Variants in ROBO1 observed in about 807,000 individuals in gnomAD.
ROBO1 encodes the protein roundabout guidance receptor 1, also known as roundabout homolog 1.
ROBO1 carries 149 observed loss-of-function variants against 195.9 expected under a neutral mutation model. That is an observed-to-expected ratio of 0.76 (90% CI 0.67 to 0.87). The LOEUF (loss-of-function observed/expected upper bound fraction) is 0.87. Among genes scored for constraint, ROBO1 ranks in the 40% least tolerant of loss-of-function variants. ROBO1 has a pLI of 0.00. For synonymous variants in ROBO1, 816 were observed against 733.2 expected, an observed-to-expected ratio of 1.11 and a Z score of -1.82; for missense variants, 1,933 against 2,068.3, an observed-to-expected ratio of 0.93 and a Z score of 1.27.
In ROBO1 at chr3:79,137,650, T is replaced by C. The variant is rs536054047; in HGVS notation, c.89-12111A>G. Among the ~76,000 whole-genome samples, 17 of 152,202 alleles carry C rather than the reference T, an allele frequency of 1.1e-4. No homozygotes were observed. In the South Asian group the frequency reaches 2.7e-3, roughly 24 times the overall value. On this transcript the variant is annotated intron_variant, in intron 2 of 30. Transcript: ENST00000464233. ...CCATCATCATCATGATTCTCATCAG[T>C]ATTTCCGTTTTCAAGATACTGAAAC...
chr3:78,693,364 A>G, intron 8 of ROBO1: 7 of 1,540,190 alleles, frequency 4.5e-6, no homozygotes, highest in Non-Finnish European at 6.2e-6. Context: ...CAACTAAAAC[A>G]AAACAAAAAA....
At chr3:78,764,148 G>T (rs1427473637) in intron 4 of ROBO1, among the ~76,000 whole-genome samples, 1 of 152,058 alleles carries the variant, frequency 6.6e-6, no homozygotes, top group Non-Finnish European at 1.5e-5. Flanking sequence ...TTGTACTGTG[G>T]AGACATGAGA....
chr3:79,231,763 G>A (rs772071621), intron 2 of ROBO1, among the ~76,000 whole-genome samples: 40 of 152,156 alleles, frequency 2.6e-4, no homozygotes, highest in Non-Finnish European at 5.1e-4. Context: ...ACATGCCCAG[G>A]TATGTTCCTT....
chr3:78,975,991 G>C (rs532806486), intron 3 of ROBO1, among the ~76,000 whole-genome samples: 1 of 152,124 alleles, frequency 6.6e-6, no homozygotes, highest in African/African-American at 2.4e-5. Flanking sequence ...TAACGTAAAA[G>C]TCAGCCTAAT....
intron 3 of ROBO1, among the ~76,000 whole-genome samples, chr3:79,070,128 C>A (rs1021235671): frequency 6.6e-6 from 1 of 151,690 alleles, no homozygotes; most frequent in Non-Finnish European, 1.5e-5. Context: ...TATCTCTGAC[C>A]TTCTCCTGAG....
At chr3:79,350,796 G>C (rs1411690011) in intron 2 of ROBO1, among the ~76,000 whole-genome samples, 1 of 152,132 alleles carries the variant, frequency 6.6e-6, no homozygotes, top group Non-Finnish European at 1.5e-5. Flanking sequence ...TTGGAGAGTA[G>C]AAGGGCAGTA....
At chr3:79,675,825 A>G (rs1368717336) in intron 1 of ROBO1, among the ~76,000 whole-genome samples, 1 of 152,090 alleles carries the variant, frequency 6.6e-6, no homozygotes, top group Non-Finnish European at 1.5e-5. Context: ...AGAATAATGC[A>G]AATTCTGAAG....
intron 24 of ROBO1, among the ~76,000 whole-genome samples, chr3:78,632,051 C>T (rs976940469): frequency 6.6e-6 from 1 of 152,134 alleles, no homozygotes; most frequent in Non-Finnish European, 1.5e-5. Flanking sequence ...TTTATTTTAA[C>T]AAAAACTTTA....
intron 2 of ROBO1, among the ~76,000 whole-genome samples, chr3:79,151,630 T>C (rs556121200): frequency 1.7e-4 from 26 of 151,826 alleles, no homozygotes; most frequent in African/African-American, 5.8e-4. Flanking sequence ...TTAAATGACT[T>C]TCTAATATAT....
intron 3 of ROBO1, among the ~76,000 whole-genome samples, chr3:79,037,026 A>G (rs2078393193): frequency 6.6e-6 from 1 of 152,112 alleles, no homozygotes; most frequent in Non-Finnish European, 1.5e-5. Context: ...AATTTCTTTC[A>G]GTTCTCATGG....
chr3:79,455,132 A>G (rs2039576464), intron 2 of ROBO1, among the ~76,000 whole-genome samples: 1 of 152,082 alleles, frequency 6.6e-6, no homozygotes, highest in African/African-American at 2.4e-5. Flanking sequence ...CTTGTAAAAA[A>G]AAAAAGGCTA....
intron 3 of ROBO1, among the ~76,000 whole-genome samples, chr3:78,949,594 G>A (rs1417667171): frequency 6.6e-6 from 1 of 152,082 alleles, no homozygotes; most frequent in Non-Finnish European, 1.5e-5. Context: ...TCAGGACATA[G>A]GCATGGGCAA....
At position 78,598,504 on chromosome 3, in the gene ROBO1, T is replaced by G. The variant is rs1483357223; in HGVS notation, c.*409A>C. 6.8e-6 allele frequency: 1 copy of G among 146,574 alleles called. No homozygotes were observed. Among genetic ancestry groups the G allele is most frequent in the Non-Finnish European group, 1.5e-5 (1 of 67,076 alleles). 9.1% of individuals were successfully genotyped at this position (146,574 alleles called of 1,614,324 possible). A position where few individuals can be genotyped will look rare whatever the true frequency, so the allele number is the denominator to read the frequency against. On this transcript the variant is annotated 3_prime_UTR_variant, in exon 31 of 31. Transcript: ENST00000464233. ...TTATACTTTGAGAGCCCTTGTGAGG[T>G]TGAATATCAACTTTCTATATTTGAT...
chr3:79,389,721 A>G (rs1268829853), intron 2 of ROBO1, among the ~76,000 whole-genome samples: 1 of 152,118 alleles, frequency 6.6e-6, no homozygotes, highest in Non-Finnish European at 1.5e-5. Flanking sequence ...AAGAGCAAAT[A>G]TAGGAACAAA....
intron 2 of ROBO1, among the ~76,000 whole-genome samples, chr3:79,241,115 T>A (rs541328135): frequency 6.6e-6 from 1 of 152,336 alleles, no homozygotes; most frequent in East Asian, 1.9e-4. Flanking sequence ...CAACAGATTT[T>A]CTCTAAATGA....
At chr3:79,496,387 C>CATTTTTTTTTTTT (rs145186389) in intron 2 of ROBO1, among the ~76,000 whole-genome samples, 2,801 of 112,382 alleles carry the variant, frequency 0.025, 764 homozygotes, top group Admixed American at 0.077. Flanking sequence ...GCGCACCCAT[C>CATTTTTTTTTTTT]TTTTTTTGAG....
intron 3 of ROBO1, among the ~76,000 whole-genome samples, chr3:79,027,763 C>T (rs897442538): frequency 5.9e-5 from 9 of 152,022 alleles, no homozygotes; most frequent in Admixed American, 5.2e-4. Flanking sequence ...CTCATCTTCT[C>T]AATTTCCTAT....
chr3:79,048,887 C>T (rs1324334035), intron 3 of ROBO1, among the ~76,000 whole-genome samples: 1 of 152,118 alleles, frequency 6.6e-6, no homozygotes, highest in Non-Finnish European at 1.5e-5. Flanking sequence ...AAAACCCCAT[C>T]TGTAGGTCAC....
At chr3:78,936,604 G>A (rs1324447257) in intron 4 of ROBO1, among the ~76,000 whole-genome samples, 6 of 151,732 alleles carry the variant, frequency 4.0e-5, no homozygotes, top group Non-Finnish European at 1.5e-5. Flanking sequence ...TAGACAATAC[G>A]GTATAGCAAC....
Sources: gnomAD v4.1 joint callset for allele counts (sites outside exome capture counted in the v4.1 genomes callset) on GRCh38, gnomAD v4.1.1 for gene constraint, MANE v1.5 for transcripts, NCBI Gene and HGNC (gene_info 2026-07-23, HGNC 2026-07-21) for gene names.